Variants in COMMD10 observed in about 807,000 individuals in gnomAD.
COMMD10 encodes the protein COMM domain-containing protein 10.
In COMMD10, 33 loss-of-function variants were observed where a neutral mutation model predicts 28.9. The observed-to-expected ratio is 1.14, with a 90% CI of 0.87 to 1.53. COMMD10 has a LOEUF of 1.53. Among genes scored for constraint, COMMD10 ranks in the 40% most tolerant of loss-of-function variants. COMMD10 has a pLI of 0.00. For missense variants in COMMD10, 310 were observed against 233.4 expected (o/e 1.33, Z -2.14); for synonymous variants, 110 against 81.7 (o/e 1.35, Z -1.87).
At chr5:116,121,047 T>C (rs558415367) in intron 4 of COMMD10, among the ~76,000 whole-genome samples, 2 of 152,178 alleles carry the variant, frequency 1.3e-5, no homozygotes, top group African/African-American at 4.8e-5. Context: ...GTTTGTTACA[T>C]AGATATACAT....
intron 2 of COMMD10, among the ~76,000 whole-genome samples, chr5:116,089,957 T>C (rs1358880005): frequency 6.6e-6 from 1 of 152,206 alleles, no homozygotes; most frequent in African/African-American, 2.4e-5. Flanking sequence ...CTCCATCGAG[T>C]TGGCCTTTAC....
chr5:116,254,761 A>G (rs1370103868), intron 5 of COMMD10, among the ~76,000 whole-genome samples: 1 of 151,562 alleles, frequency 6.6e-6, no homozygotes, highest in Non-Finnish European at 1.5e-5. Flanking sequence ...GTGCTGACAA[A>G]AATGTATATT....
intron 5 of COMMD10, among the ~76,000 whole-genome samples, chr5:116,288,163 A>C (rs1451499102): frequency 2.0e-5 from 3 of 151,798 alleles, no homozygotes; most frequent in East Asian, 1.9e-4. Flanking sequence ...GGAAAATGTT[A>C]ATTTCTTCTT....
At chr5:116,286,804 A>G (rs1189381836) in intron 5 of COMMD10, among the ~76,000 whole-genome samples, 3 of 151,800 alleles carry the variant, frequency 2.0e-5, no homozygotes, top group South Asian at 2.1e-4. Context: ...AGAATGTTCC[A>G]TGGGTACTCA....
intron 4 of COMMD10, among the ~76,000 whole-genome samples, chr5:116,127,544 A>G (rs1751700759): frequency 6.6e-6 from 1 of 152,222 alleles, no homozygotes; most frequent in South Asian, 2.1e-4. Context: ...CGTCAATGAT[A>G]GACTGGATTA....
intron 4 of COMMD10, among the ~76,000 whole-genome samples, chr5:116,115,007 C>T (rs1751184012): frequency 6.6e-6 from 1 of 152,102 alleles, no homozygotes; most frequent in South Asian, 2.1e-4. Context: ...TACACAGGCC[C>T]CAGTTCAGCA....
chr5:116,111,259 T>C (rs1211165242), intron 4 of COMMD10, among the ~76,000 whole-genome samples: 1 of 152,136 alleles, frequency 6.6e-6, no homozygotes, highest in Non-Finnish European at 1.5e-5. Context: ...TTTTGGTCTC[T>C]GTTTTATTTA....
At chr5:116,201,203 G>C (rs1748657394) in intron 5 of COMMD10, among the ~76,000 whole-genome samples, 1 of 152,164 alleles carries the variant, frequency 6.6e-6, no homozygotes, top group Non-Finnish European at 1.5e-5. Context: ...TGTTTAAATA[G>C]TTTCCTCTAT....
chr5:116,122,909 C>T (rs796387892), intron 4 of COMMD10, among the ~76,000 whole-genome samples: 1 of 152,262 alleles, frequency 6.6e-6, no homozygotes, highest in African/African-American at 2.4e-5. Flanking sequence ...AATATACAGT[C>T]ATGTCATCTG....
chr5:116,179,303 T>G (rs1285493521), intron 5 of COMMD10, among the ~76,000 whole-genome samples: 2 of 152,158 alleles, frequency 1.3e-5, no homozygotes, highest in African/African-American at 4.8e-5. Context: ...TAATCTAATA[T>G]CTCATTTTAT....
At chr5:116,154,568 T>G (rs1752644168) in intron 5 of COMMD10, among the ~76,000 whole-genome samples, 1 of 152,114 alleles carries the variant, frequency 6.6e-6, no homozygotes, top group Non-Finnish European at 1.5e-5. Context: ...TCAGGTAATC[T>G]TTGGAGCTCT....
chr5:116,175,520 A>G (rs1010078749), intron 5 of COMMD10, among the ~76,000 whole-genome samples: 2 of 152,198 alleles, frequency 1.3e-5, no homozygotes, highest in South Asian at 2.1e-4. Flanking sequence ...TAGCATTGCT[A>G]CTTCTGAGTG....
At chr5:116,087,684 C>A in intron 2 of COMMD10, 97 bp downstream of exon 2, 1 of 794,956 alleles carries the variant, frequency 1.3e-6, no homozygotes, top group East Asian at 2.6e-5. Context: ...TAGTGTTCTC[C>A]AATATGTTCT....
intron 5 of COMMD10, among the ~76,000 whole-genome samples, chr5:116,213,791 C>T (rs1022080492): frequency 4.6e-5 from 7 of 151,830 alleles, no homozygotes; most frequent in South Asian, 2.1e-4. Flanking sequence ...TTATGTGATT[C>T]GTATTTTAGT....
chr5:116,270,294 T>A (rs1156784858), intron 5 of COMMD10, among the ~76,000 whole-genome samples: 1 of 151,908 alleles, frequency 6.6e-6, no homozygotes, highest in Non-Finnish European at 1.5e-5. Context: ...TATTCATGTA[T>A]TAGTTCCTGT....
chr5:116,157,823 A>G (rs1362144532), intron 5 of COMMD10, among the ~76,000 whole-genome samples: 3 of 152,118 alleles, frequency 2.0e-5, no homozygotes, highest in South Asian at 2.1e-4. Context: ...TGATTGTTCT[A>G]CATCATGTCC....
intron 5 of COMMD10, among the ~76,000 whole-genome samples, chr5:116,152,232 T>A (rs1240586468): frequency 6.6e-6 from 1 of 152,208 alleles, no homozygotes. Context: ...CAGTTTGTTA[T>A]AATTTGTGTT....
intron 5 of COMMD10, among the ~76,000 whole-genome samples, chr5:116,266,084 C>G (rs921855623): frequency 6.6e-6 from 1 of 151,408 alleles, no homozygotes; most frequent in Non-Finnish European, 1.5e-5. Context: ...TTTAGCTGAC[C>G]CTTAAAAAAG....
chr5:116,112,607 A>C (rs1751088053), intron 4 of COMMD10, among the ~76,000 whole-genome samples: 1 of 152,022 alleles, frequency 6.6e-6, no homozygotes, highest in Admixed American at 6.6e-5. Flanking sequence ...ATGTTGACAG[A>C]ATGTTCTCTA....
Sources: gnomAD v4.1 joint callset for allele counts (sites outside exome capture counted in the v4.1 genomes callset) on GRCh38, gnomAD v4.1.1 for gene constraint, MANE v1.5 for transcripts, NCBI Gene and HGNC (gene_info 2026-07-23, HGNC 2026-07-21) for gene names.